PID1: variants seen among roughly 807,000 people sequenced by gnomAD.
PID1 encodes the protein phosphotyrosine interaction domain containing 1.
PID1 carries 10 observed loss-of-function variants against 19.1 expected under a neutral mutation model. The observed-to-expected ratio is 0.52, with a 90% CI of 0.32 to 0.89. The LOEUF is 0.89. Ranked by LOEUF, PID1 falls within the 40% of genes least tolerant of loss-of-function variation. The pLI, the probability that PID1 is intolerant of heterozygous loss-of-function variation, is 0.03. For missense variants in PID1, 248 were observed against 285.3 expected (o/e 0.87, Z 0.94); for synonymous variants, 130 against 116.0 (o/e 1.12, Z -0.78).
intron 1 of PID1, among the ~76,000 whole-genome samples, chr2:229,184,983 C>A (rs1031353098): frequency 7.2e-6 from 1 of 138,938 alleles, no homozygotes; most frequent in African/African-American, 2.7e-5. Context: ...TATATATATA[C>A]TATATATATC....
intron 2 of PID1, among the ~76,000 whole-genome samples, chr2:229,154,110 T>C (rs183549848): frequency 2.7e-4 from 41 of 152,310 alleles, no homozygotes; most frequent in Admixed American, 7.8e-4. Flanking sequence ...TGACAATAGC[T>C]CTTGGGAAGT....
chr2:229,269,461 A>C (rs1461487079), intron 1 of PID1, among the ~76,000 whole-genome samples: 6 of 152,186 alleles, frequency 3.9e-5, no homozygotes, highest in African/African-American at 1.4e-4. Flanking sequence ...AAAATCTACA[A>C]ACTCTTCAGA....
rs1011225620 is a variant in PID1 at position 229,240,846 on chromosome 2, T to G, written c.30+30168A>C. On this transcript the variant is annotated intron_variant, in intron 1 of 2. Transcript: ENST00000392055. ...GTCTCTTTCTGGGACTGCAATCACA[T>G]GTATCTTATATTGCTTGATGTGTCC... is the stretch of plus-strand genomic sequence containing the variant. 2.0e-5 allele frequency among the ~76,000 whole-genome samples: 3 copies of G among 152,256 alleles called. 1 individual carries two copies. Among genetic ancestry groups the G allele is most frequent in the Middle Eastern group, 6.8e-3 (2 of 294 alleles).
At chr2:229,180,443 T>C (rs1045575960) in intron 1 of PID1, among the ~76,000 whole-genome samples, 1 of 152,114 alleles carries the variant, frequency 6.6e-6, no homozygotes, top group African/African-American at 2.4e-5. Context: ...AGTCTCAAAA[T>C]GTCAATGTAA....
intron 1 of PID1, among the ~76,000 whole-genome samples, chr2:229,199,811 A>C (rs1691458426): frequency 6.6e-6 from 1 of 150,444 alleles, no homozygotes; most frequent in South Asian, 2.1e-4. Flanking sequence ...AATCTATCCC[A>C]ACAGTTTTCA....
At position 229,024,732 on chromosome 2, in the gene PID1, G is replaced by A. The variant is rs1693373124; in HGVS notation, c.*900C>T. 2 of 152,646 alleles carry A rather than the reference G, an allele frequency of 1.3e-5. No individual in the cohort carries two copies. Among genetic ancestry groups the A allele is most frequent in the South Asian group, 4.1e-4 (2 of 4,828 alleles). The allele number at this position is 152,646 out of a possible 1,614,324, so 9.5% of individuals were successfully genotyped here. A position where few individuals can be genotyped will look rare whatever the true frequency, so the allele number is the denominator to read the frequency against. On this transcript the variant is annotated 3_prime_UTR_variant, in exon 3 of 3. Coordinates refer to ENST00000392055, the MANE Select transcript of PID1 (RefSeq NM_001100818.2). ...CATAAATCTCAGCTGGATAAAAGGA[G>A]AGTTGACATAGAGTGTGTTCACTTG...
At chr2:229,026,467 G>A (rs374698118) in intron 2 of PID1, among the ~76,000 whole-genome samples, 9 of 152,004 alleles carry the variant, frequency 5.9e-5, no homozygotes, top group East Asian at 5.8e-4. Context: ...GTTTATTTTC[G>A]GCCAAACACA....
intron 2 of PID1, among the ~76,000 whole-genome samples, chr2:229,098,746 T>A (rs1035999086): frequency 2.6e-5 from 4 of 152,204 alleles, no homozygotes; most frequent in African/African-American, 9.7e-5. Flanking sequence ...TCCTCCATTC[T>A]TTCTGAGACA....
intron 1 of PID1, among the ~76,000 whole-genome samples, chr2:229,171,383 A>G (rs190300485): frequency 2.0e-4 from 31 of 152,352 alleles, no homozygotes; most frequent in African/African-American, 6.7e-4. Flanking sequence ...AAAGCCATCT[A>G]TGGAGGACAG....
At chr2:229,263,418 CTTTA>C (rs1198456552) in intron 1 of PID1, among the ~76,000 whole-genome samples, 1 of 152,176 alleles carries the variant, frequency 6.6e-6, no homozygotes, top group Non-Finnish European at 1.5e-5. Flanking sequence ...CCCCAAGAAG[CTTTA>C]TTTGTTATTC....
intron 2 of PID1, among the ~76,000 whole-genome samples, chr2:229,132,018 C>T (rs1366455876): frequency 4.6e-5 from 7 of 151,988 alleles, no homozygotes; most frequent in African/African-American, 1.7e-4. Flanking sequence ...TTATAGTTCT[C>T]GCATCTGGTT....
chr2:229,053,954 T>A (rs1163858053), intron 2 of PID1, among the ~76,000 whole-genome samples: 1 of 152,138 alleles, frequency 6.6e-6, no homozygotes, highest in African/African-American at 2.4e-5. Context: ...AAATGAAAAT[T>A]TTCCCTGTCT....
At position 229,155,914 on chromosome 2, in the gene PID1, C is replaced by T. The variant is rs142786292; in HGVS notation, c.81G>A (p.Lys27=). The T allele has an allele frequency of 1.3e-5, 21 of 1,613,964 alleles. No individual in the cohort carries two copies. The highest frequency in any genetic ancestry group is 4.4e-5 in the South Asian group (4 of 91,068). ...KSKLNVLTLK[K]EPLPAVIFHE... ...GGAAGATGACCGCTGGGAGAGGTTC[C>T]TTTTTCAGTGTTAAGACATTCAATT... Residue 27 remains lysine (K), a synonymous_variant, in exon 2 of 3, where the codon AAG becomes AAA. Coordinates refer to ENST00000392055, the MANE Select transcript of PID1 (RefSeq NM_001100818.2).
chr2:229,113,475 T>G (rs1156308825), intron 2 of PID1, among the ~76,000 whole-genome samples: 1 of 138,180 alleles, frequency 7.2e-6, no homozygotes, highest in East Asian at 2.1e-4. Flanking sequence ...TAGATATGTG[T>G]GTATATATAT....
chr2:229,065,136 G>A (rs1694296233), intron 2 of PID1, among the ~76,000 whole-genome samples: 1 of 152,218 alleles, frequency 6.6e-6, no homozygotes, highest in Admixed American at 6.5e-5. Context: ...TTGGCTGAAT[G>A]GTAAGTATCC....
At chr2:229,098,245 G>A (rs1186392600) in intron 2 of PID1, among the ~76,000 whole-genome samples, 1 of 152,158 alleles carries the variant, frequency 6.6e-6, no homozygotes, top group Non-Finnish European at 1.5e-5. Context: ...TTTGGCTCAT[G>A]TCCTTATTTG....
At chr2:229,193,198 T>C (rs1293278835) in intron 1 of PID1, among the ~76,000 whole-genome samples, 15 of 152,142 alleles carry the variant, frequency 9.9e-5, no homozygotes, top group African/African-American at 3.4e-4. Flanking sequence ...GACAGGCCAG[T>C]TAAGATGACT....
intron 2 of PID1, among the ~76,000 whole-genome samples, chr2:229,106,843 C>T (rs1388483637): frequency 6.6e-6 from 1 of 152,164 alleles, no homozygotes; most frequent in Non-Finnish European, 1.5e-5. Context: ...AACTAGGATG[C>T]AGTGGATTGC....
intron 1 of PID1, among the ~76,000 whole-genome samples, chr2:229,239,928 T>A (rs955053157): frequency 5.3e-5 from 8 of 152,260 alleles, no homozygotes; most frequent in Admixed American, 3.3e-4. Flanking sequence ...TTCCTGGCAC[T>A]ATTATACTCA....
Sources: allele counts gnomAD v4.1 joint callset (sites outside exome capture counted in the v4.1 genomes callset), GRCh38; gene constraint gnomAD v4.1.1; transcripts MANE v1.5; gene names NCBI Gene and HGNC (gene_info 2026-07-23, HGNC 2026-07-21).